AGTPBP1: variants seen among roughly 807,000 people sequenced by gnomAD.
The protein encoded by AGTPBP1 is cytosolic carboxypeptidase 1.
Under a neutral mutation model 143.9 loss-of-function variants are expected in AGTPBP1, and 70 were observed. The ratio of observed to expected loss-of-function variants is 0.49; its 90% CI spans 0.40 to 0.59. AGTPBP1 has a LOEUF of 0.59. Among genes scored for constraint, AGTPBP1 ranks in the 20% least tolerant of loss-of-function variants. AGTPBP1 has a pLI of 0.00. For missense variants in AGTPBP1, 1,229 were observed against 1,464.5 expected, an observed-to-expected ratio of 0.84 and a Z score of 2.62; for synonymous variants, 463 against 500.2, an observed-to-expected ratio of 0.93 and a Z score of 0.99.
chr9:85,755,547 T>G, the AGTPBP1 span, among the ~76,000 whole-genome samples: 1 of 152,194 alleles, frequency 6.6e-6, no homozygotes, highest in Non-Finnish European at 1.5e-5. Context: ...TATTCATTTA[T>G]TCACTTCATT....
At chr9:85,708,162 C>T (rs1837136053) in intron 2 of AGTPBP1, among the ~76,000 whole-genome samples, 1 of 152,152 alleles carries the variant, frequency 6.6e-6, no homozygotes, top group African/African-American at 2.4e-5. Flanking sequence ...CTAGAGGTCA[C>T]CTGTATTCAT....
In AGTPBP1 at chr9:85,669,509, C is replaced by T. The variant is rs201047470; in HGVS notation, c.638G>A (p.Ser213Asn). ...ELMFKIIGPFSKKNSSLIKVA... is the reference protein window; with the variant it reads ...ELMFKIIGPFNKKNSSLIKVA... ...CTTTATAAGACTGGAATTCTTCTTA[C>T]TAAATGGTCCAATGATTTTAAACAT... The change falls in exon 8 of 26, where the codon AGT (serine) becomes AAT (asparagine). Residue 213 changes from serine to asparagine, a missense_variant. By Grantham distance (46) the Ser-to-Asn change is conservative (BLOSUM62 1). Transcript: ENST00000357081. 4 of 1,610,404 alleles carry T rather than the reference C, an allele frequency of 2.5e-6. No homozygotes were observed. The East Asian group carries it at 9.0e-5, about 36-fold the overall frequency.
chr9:85,642,290 A>T (rs967267575), intron 13 of AGTPBP1, among the ~76,000 whole-genome samples: 24 of 152,138 alleles, frequency 1.6e-4, no homozygotes, highest in African/African-American at 5.8e-4. Context: ...CATTAAAGTG[A>T]TGCAAAAAGA....
At chr9:85,752,200 T>C in the AGTPBP1 span, among the ~76,000 whole-genome samples, 1 of 152,030 alleles carries the variant, frequency 6.6e-6, no homozygotes, top group Admixed American at 6.6e-5. Flanking sequence ...ATTATGCTAT[T>C]GCATACAGCC....
chr9:85,760,737 C>G, the AGTPBP1 span, among the ~76,000 whole-genome samples: 1 of 152,146 alleles, frequency 6.6e-6, no homozygotes, highest in Non-Finnish European at 1.5e-5. Context: ...TCTCACCACT[C>G]CTATTCAACA....
At chr9:85,665,092 T>C (rs1834054751) in intron 8 of AGTPBP1, among the ~76,000 whole-genome samples, 1 of 152,138 alleles carries the variant, frequency 6.6e-6, no homozygotes, top group Admixed American at 6.5e-5. Context: ...TTCAAAAAGG[T>C]ATGTTGAAGT....
the AGTPBP1 span, among the ~76,000 whole-genome samples, chr9:85,787,617 A>G: frequency 3.6e-3 from 544 of 152,256 alleles, 3 homozygotes; most frequent in African/African-American, 0.013. Context: ...TAAGAACTAA[A>G]CAGTTTGCAC....
At chr9:85,637,922 C>T (rs549176586) in intron 13 of AGTPBP1, among the ~76,000 whole-genome samples, 2 of 152,098 alleles carry the variant, frequency 1.3e-5, no homozygotes, top group African/African-American at 4.8e-5. Flanking sequence ...TGCAAGTACA[C>T]GCCACTAAAC....
chr9:85,760,152 A>G, the AGTPBP1 span, among the ~76,000 whole-genome samples: 1 of 152,218 alleles, frequency 6.6e-6, no homozygotes, highest in Admixed American at 6.5e-5. Flanking sequence ...AAAAAAGTCC[A>G]GGATCAGACG....
intron 25 of AGTPBP1, among the ~76,000 whole-genome samples, chr9:85,566,485 A>G (rs1007740049): frequency 1.4e-5 from 2 of 141,954 alleles, no homozygotes; most frequent in Non-Finnish European, 3.0e-5. Context: ...AACTATGATC[A>G]TGCCACTGCA....
chr9:85,799,804 C>T, the AGTPBP1 span, among the ~76,000 whole-genome samples: 1 of 152,110 alleles, frequency 6.6e-6, no homozygotes, highest in African/African-American at 2.4e-5. Flanking sequence ...AGGTGTTAGC[C>T]AGTGCGCCCA....
rs969447150 is a variant in AGTPBP1, at chr9:85,587,901, G to C, written c.2903+397C>G. Among the ~76,000 whole-genome samples, 4 of 152,026 alleles carry C rather than the reference G, an allele frequency of 2.6e-5. No individual in the cohort carries two copies. The East Asian group carries it at 5.8e-4, about 22-fold the overall frequency. ...TTAGCAGATGGGGCTAACATTCCAAGAGATCCCAGAAGAGTCTTAATCTTA... is the reference window on the plus strand; with the variant it reads ...TTAGCAGATGGGGCTAACATTCCAACAGATCCCAGAAGAGTCTTAATCTTA... On this transcript the variant is annotated intron_variant, in intron 21 of 25. Transcript: ENST00000357081.
rs765748452 is a variant in AGTPBP1 at position 85,657,660 on chromosome 9, T to C, written c.701-17A>G. Reference sequence around the variant, plus strand: ...CATTTGTTTCTTTAACAAAAGAAGATTGAGAAAGAATATTTTTTAAATGAC... The same window carrying C: ...CATTTGTTTCTTTAACAAAAGAAGACTGAGAAAGAATATTTTTTAAATGAC... On this transcript the variant is annotated splice_polypyrimidine_tract_variant and intron_variant, in intron 9 of 25. Coordinates refer to ENST00000357081, the MANE Select transcript of AGTPBP1 (RefSeq NM_001330701.2). 5.7e-6 allele frequency: 9 copies of C among 1,565,906 alleles called. No homozygotes were observed. Among genetic ancestry groups the C allele is most frequent in the Admixed American group, 3.8e-5 (2 of 52,392 alleles).
intron 11 of AGTPBP1, 46 bp from the exon 12 acceptor site, chr9:85,646,464 A>G: frequency 1.5e-6 from 2 of 1,296,668 alleles, no homozygotes; most frequent in Non-Finnish European, 2.2e-6. Context: ...TAAGCATTCT[A>G]CAATATGCAT....
chr9:85,664,196 C>G (rs746310969), intron 8 of AGTPBP1, among the ~76,000 whole-genome samples: 1 of 152,070 alleles, frequency 6.6e-6, no homozygotes, highest in Non-Finnish European at 1.5e-5. Context: ...TTACCAAGGG[C>G]ACAATAAAGC....
chr9:85,691,225 T>A (rs1835852591), intron 3 of AGTPBP1, among the ~76,000 whole-genome samples: 1 of 152,122 alleles, frequency 6.6e-6, no homozygotes, highest in African/African-American at 2.4e-5. Context: ...GTACAGGTAT[T>A]TTAAATTATG....
At chr9:85,561,928 G>T (rs1826760393) in intron 25 of AGTPBP1, among the ~76,000 whole-genome samples, 1 of 151,448 alleles carries the variant, frequency 6.6e-6, no homozygotes, top group Admixed American at 6.6e-5. Context: ...CGCCTCCCGG[G>T]TTCAAGCAGT....
Position 85,726,240 on chromosome 9 carries a change from A to AC in AGTPBP1, c.-33-13675_-33-13674insG, listed in dbSNP as rs1285483477. Among the ~76,000 whole-genome samples the AC allele has an allele frequency of 4.0e-5, 6 of 151,250 alleles. No homozygotes were observed. The East Asian group carries it at 1.2e-3, about 30-fold the overall frequency. Reference sequence around the variant, plus strand: ...ACAAGACTCTGTCTCAAAAAAAAAAAAACAAAAAACAAAAAAAAAGAAAAA... The same window carrying AC: ...ACAAGACTCTGTCTCAAAAAAAAAAACAACAAAAAACAAAAAAAAAGAAAAA... On this transcript the variant is annotated intron_variant, in intron 1 of 25. Transcript: ENST00000357081.
At chr9:85,786,454 A>G in the AGTPBP1 span, 2 of 1,613,742 alleles carry the variant, frequency 1.2e-6, no homozygotes, top group African/African-American at 2.7e-5. Flanking sequence ...AACTGTGTCG[A>G]AAAGAATTAC....
Sources: allele counts gnomAD v4.1 joint callset (sites outside exome capture counted in the v4.1 genomes callset), GRCh38; gene constraint gnomAD v4.1.1; transcripts MANE v1.5; gene names NCBI Gene and HGNC (gene_info 2026-07-23, HGNC 2026-07-21).